Variants in SEC16A observed in about 807,000 individuals in gnomAD.
SEC16A encodes the protein protein transport protein Sec16A.
SEC16A carries 110 observed loss-of-function variants against 221.9 expected under a neutral mutation model. The observed-to-expected ratio is 0.50, with a 90% CI of 0.42 to 0.58. The LOEUF (loss-of-function observed/expected upper bound fraction) is 0.58. SEC16A is among the 20% of genes least tolerant of loss of function. The pLI, the probability that SEC16A is intolerant of heterozygous loss-of-function variation, is 0.00. For synonymous variants in SEC16A, 1,393 were observed against 1,257.7 expected, an observed-to-expected ratio of 1.11 and a Z score of -2.28; for missense variants, 3,165 against 3,097.8, an observed-to-expected ratio of 1.02 and a Z score of -0.52.
chr9:136,450,466 C>A (rs1419372441), intron 23 of SEC16A, among the ~76,000 whole-genome samples: 2 of 150,182 alleles, frequency 1.3e-5, no homozygotes, highest in Non-Finnish European at 3.0e-5. Context: ...ATAGTGAGAC[C>A]CCATCTTTAT....
Position 136,466,927 on chromosome 9 carries a change from C to A in SEC16A, c.3929+30G>T, listed in dbSNP as rs1316019875. On this transcript the variant is annotated intron_variant, in intron 6 of 31. Coordinates refer to ENST00000684901, the MANE Select transcript of SEC16A (RefSeq NM_014866.2). This position sits in a 1 kb window ranked among gnomAD's most constrained non-coding sequence, Gnocchi z 5.5. ...ACTAGCGCGCCCTGGCTGCCCCCAGCCTCTGCCTCCCCAGGGGTGCTCCAC... is the reference window on the plus strand; with the variant it reads ...ACTAGCGCGCCCTGGCTGCCCCCAGACTCTGCCTCCCCAGGGGTGCTCCAC... 6.2e-7 allele frequency: 1 copy of A among 1,603,094 alleles called. No homozygotes were observed. The highest frequency in any genetic ancestry group is 2.2e-5 in the East Asian group (1 of 44,540).
rs552386290 is a variant in SEC16A at position 136,440,655 on chromosome 9, A to G, written c.*1100T>C. The G allele has an allele frequency of 1.3e-5, 2 of 152,724 alleles. No individual in the cohort carries two copies. The highest frequency in any genetic ancestry group is 1.9e-4 in the East Asian group (1 of 5,328). The allele number at this position is 152,724 out of a possible 1,614,324, so 9.5% of individuals were successfully genotyped here. A position where few individuals can be genotyped will look rare whatever the true frequency, so the allele number is the denominator to read the frequency against. Reference sequence around the variant, plus strand: ...GAGGAGGCCCGTCTCTGAGTTGAACAGGGTTGAGTCCACCAGGAGCTACTC... The same window carrying G: ...GAGGAGGCCCGTCTCTGAGTTGAACGGGGTTGAGTCCACCAGGAGCTACTC... On this transcript the variant is annotated 3_prime_UTR_variant, in exon 32 of 32. Transcript: ENST00000684901.
chr9:136,473,689 G>A (rs907393442), intron 3 of SEC16A, among the ~76,000 whole-genome samples: 4 of 152,260 alleles, frequency 2.6e-5, no homozygotes, highest in African/African-American at 4.8e-5. Flanking sequence ...GCTTCCCAAG[G>A]CATGCAAGAC....
chr9:136,449,023 C>T lies in SEC16A; in HGVS notation c.6313-862G>A, dbSNP rs530786344. On this transcript the variant is annotated intron_variant, in intron 23 of 31. Transcript: ENST00000684901. Reference sequence around the variant, plus strand: ...AAATGGTAAAAATGTGCATTTTGTTCTGTGTATTTTACTGTCATTTAAATA... The same window carrying T: ...AAATGGTAAAAATGTGCATTTTGTTTTGTGTATTTTACTGTCATTTAAATA... 2.6e-5 allele frequency among the ~76,000 whole-genome samples: 4 copies of T among 152,286 alleles called. No homozygotes were observed. The East Asian group carries it at 7.7e-4, about 29-fold the overall frequency.
rs746470933 is a variant in SEC16A, at chr9:136,454,296, G to A, written c.5889C>T (p.Ala1963=). 1 of 1,582,226 alleles carries A rather than the reference G, an allele frequency of 6.3e-7. No individual in the cohort carries two copies. Among genetic ancestry groups the A allele is most frequent in the Non-Finnish European group, 8.6e-7 (1 of 1,164,692 alleles). Residue 1963 remains alanine (A), a synonymous_variant, in exon 21 of 32, where the codon GCC becomes GCT. Transcript: ENST00000684901. ...GGAACATCGGCACTCTGGCAGGACTGGCCAATGGGCCGTCAGGGAGCGTCT... is the reference window on the plus strand; with the variant it reads ...GGAACATCGGCACTCTGGCAGGACTAGCCAATGGGCCGTCAGGGAGCGTCT... ...APQTLPDGPL[A]SPARVPMFPV... is the part of the protein sequence containing the mutation.
In SEC16A at chr9:136,456,363, A is replaced by G. The variant is rs569045399; in HGVS notation, c.5551-197T>C. Among the ~76,000 whole-genome samples the G allele has an allele frequency of 2.0e-5, 3 of 152,146 alleles. No homozygotes were observed. In the East Asian group the frequency reaches 5.8e-4, roughly 29 times the overall value. On this transcript the variant is annotated intron_variant, in intron 18 of 31. Transcript: ENST00000684901. ...GGTGACTGGGAAGTTGCTGTAGACGACCTCTTGGCCCACGGGCACTGGGTT... is the reference window on the plus strand; with the variant it reads ...GGTGACTGGGAAGTTGCTGTAGACGGCCTCTTGGCCCACGGGCACTGGGTT...
chr9:136,465,914 C>T lies in SEC16A; in HGVS notation c.4303+48G>A, dbSNP rs751291595. 5.2e-5 allele frequency: 81 copies of T among 1,561,048 alleles called. No homozygotes were observed. In the Middle Eastern group the frequency reaches 1.4e-3, roughly 27 times the overall value. On this transcript the variant is annotated intron_variant, in intron 8 of 31. Coordinates refer to ENST00000684901, the MANE Select transcript of SEC16A (RefSeq NM_014866.2). ...GTGTTCAGATGCCAGGCTGGGTGGCCGCCCCAGTGGGGTTAGCCGGTATCC... is the reference window on the plus strand; with the variant it reads ...GTGTTCAGATGCCAGGCTGGGTGGCTGCCCCAGTGGGGTTAGCCGGTATCC...
chr9:136,452,477 A>AAAAAAAAAAAAAAAG (rs1413100239), intron 22 of SEC16A, among the ~76,000 whole-genome samples: 1 of 144,996 alleles, frequency 6.9e-6, no homozygotes, highest in Non-Finnish European at 1.5e-5. Context: ...AAAAAAAAAA[A>AAAAAAAAAAAAAAAG]AGAGATGGCC....
rs755600325 is a variant in SEC16A, at chr9:136,461,155, C to T, written c.4991+22G>A. The T allele has an allele frequency of 4.4e-6, 7 of 1,576,802 alleles. No individual in the cohort carries two copies. In the African/African-American group the frequency reaches 9.4e-5, roughly 21 times the overall value. ...GGAGCCAGCAGGGCTCGCCACTGGA[C>T]CAGGCCACTGTGGGACTGTACCTGG... On this transcript the variant is annotated intron_variant, in intron 13 of 31. Transcript: ENST00000684901.
rs1317496673 is a variant in SEC16A at position 136,461,278 on chromosome 9, C to A, written c.4894-4G>T. On this transcript the variant is annotated splice_region_variant and splice_polypyrimidine_tract_variant and intron_variant, in intron 12 of 31. Coordinates refer to ENST00000684901, the MANE Select transcript of SEC16A (RefSeq NM_014866.2). ...TCATTGCAGACTCCAAAGCATCCTGCAAAAGGCATTTCAGGGACCTTGGTG... is the reference window on the plus strand; with the variant it reads ...TCATTGCAGACTCCAAAGCATCCTGAAAAAGGCATTTCAGGGACCTTGGTG... 1.3e-6 allele frequency: 2 copies of A among 1,595,086 alleles called. No individual in the cohort carries two copies. Among genetic ancestry groups the A allele is most frequent in the South Asian group, 1.1e-5 (1 of 87,880 alleles).
upstream of SEC16A, chr9:136,484,394 C>T: frequency 2.5e-6 from 3 of 1,193,518 alleles, no homozygotes; most frequent in South Asian, 4.6e-5. Context: ...ATCCTCTGTG[C>T]CCTCATTTTT....
Position 136,477,955 on chromosome 9 carries a change from C to T in SEC16A, c.-69-271G>A, listed in dbSNP as rs76784379. The stretch of plus-strand genomic sequence containing the variant: ...TGGCCACTCCCTCCCCTGGGATCCT[C>T]TACTCACAGGGCCCATTGCTGCCGC... On this transcript the variant is annotated intron_variant, in intron 2 of 31. Coordinates refer to ENST00000684901, the MANE Select transcript of SEC16A (RefSeq NM_014866.2). Among the ~76,000 whole-genome samples, 51 of 152,244 alleles carry T rather than the reference C, an allele frequency of 3.3e-4. No homozygotes were observed. In the East Asian group the frequency reaches 6.4e-3, roughly 19 times the overall value.
At chr9:136,482,646 G>A (rs1307800647) in intron 1 of SEC16A, among the ~76,000 whole-genome samples, 2 of 152,246 alleles carry the variant, frequency 1.3e-5, no homozygotes, top group South Asian at 2.1e-4. Context: ...GGGTGCCTGG[G>A]GGTCCAGCCT....
Position 136,474,649 on chromosome 9 carries a change from G to A in SEC16A, c.2967C>T (p.Asp989=). ...NKANHSSHQE[D]TYGALDFTLS... is the part of the protein sequence containing the mutation. Reference sequence around the variant, plus strand: ...AGGTAAAGTCTAGGGCTCCGTAAGTGTCTTCCTGATGACTGGAATGGTTTG... The same window carrying A: ...AGGTAAAGTCTAGGGCTCCGTAAGTATCTTCCTGATGACTGGAATGGTTTG... The change falls in exon 3 of 32, where the codon GAC becomes GAT. Residue 989 remains aspartate (D), a synonymous_variant. Transcript: ENST00000684901. The A allele has an allele frequency of 6.2e-7, 1 of 1,613,594 alleles. No homozygotes were observed.
intron 23 of SEC16A, among the ~76,000 whole-genome samples, chr9:136,449,108 G>A (rs746819004): frequency 4.6e-5 from 7 of 152,318 alleles, no homozygotes; most frequent in Non-Finnish European, 7.4e-5. Context: ...CAAAGCTTCC[G>A]ACGTCCTCCC....
At position 136,463,220 on chromosome 9, in the gene SEC16A, G is replaced by C. The variant is rs1839738697; in HGVS notation, c.4648-88C>G. ...ACCACAGGCACAAAGCCCCACCCTG[G>C]ACACAGCCAGACCCACAACTACCCG... On this transcript the variant is annotated intron_variant, in intron 11 of 31. Coordinates refer to ENST00000684901, the MANE Select transcript of SEC16A (RefSeq NM_014866.2). 1.3e-5 allele frequency: 20 copies of C among 1,526,658 alleles called. No individual in the cohort carries two copies. The South Asian group carries it at 2.4e-4, about 18-fold the overall frequency. 94.6% of individuals were successfully genotyped at this position (1,526,658 alleles called of 1,614,324 possible).
At position 136,464,698 on chromosome 9, in the gene SEC16A, A is replaced by AT. The variant is rs1839928507; in HGVS notation, c.4304-137dup. The AT allele has an allele frequency of 1.1e-5, 8 of 732,336 alleles. No individual in the cohort carries two copies. The East Asian group carries it at 2.0e-4, about 18-fold the overall frequency. 45.4% of individuals were successfully genotyped at this position (732,336 alleles called of 1,614,324 possible). On this transcript the variant is annotated intron_variant, in intron 8 of 31. Coordinates refer to ENST00000684901, the MANE Select transcript of SEC16A (RefSeq NM_014866.2). Reference sequence around the variant, plus strand: ...CAGACTTCCAACTCAAAAGTCGGTAATTGTTTAATATCATACTTAAAAGTA... The same window carrying AT: ...CAGACTTCCAACTCAAAAGTCGGTAATTTGTTTAATATCATACTTAAAAGTA...
At chr9:136,446,772 G>A in intron 28 of SEC16A, 83 bp downstream of exon 28, 2 of 1,390,756 alleles carry the variant, frequency 1.4e-6, no homozygotes, top group Non-Finnish European at 2.0e-6. Context: ...ATACTGACTT[G>A]CAGAAGGCAA....
At chr9:136,462,508 C>T (rs1839623359) in intron 12 of SEC16A, among the ~76,000 whole-genome samples, 1 of 152,214 alleles carries the variant, frequency 6.6e-6, no homozygotes, top group Non-Finnish European at 1.5e-5. Context: ...TCCCAACTCC[C>T]AATGACTTCT....
Sources: gnomAD v4.1 joint callset for allele counts (sites outside exome capture counted in the v4.1 genomes callset) on GRCh38, gnomAD v4.1.1 for gene constraint, Gnocchi (gnomAD v3.1) non-coding constraint, MANE v1.5 for transcripts, NCBI Gene and HGNC (gene_info 2026-07-23, HGNC 2026-07-21) for gene names.